MYO1D: variants seen among roughly 807,000 people sequenced by gnomAD.
The protein encoded by MYO1D is unconventional myosin-Id.
MYO1D carries 83 observed loss-of-function variants against 122.0 expected under a neutral mutation model. That is an observed-to-expected ratio of 0.68 (90% CI 0.57 to 0.82). The LOEUF (loss-of-function observed/expected upper bound fraction) is 0.82, where lower values mean the gene tolerates loss of function less well. MYO1D is among the 40% of genes least tolerant of loss of function. The pLI is 0.00. For synonymous variants in MYO1D, 464 were observed against 446.9 expected, an observed-to-expected ratio of 1.04 and a Z score of -0.48; for missense variants, 1,157 against 1,269.5, an observed-to-expected ratio of 0.91 and a Z score of 1.35.
chr17:32,869,340 T>C (rs193294652), intron 1 of MYO1D, among the ~76,000 whole-genome samples: 1 of 152,204 alleles, frequency 6.6e-6, no homozygotes, highest in Non-Finnish European at 1.5e-5. Flanking sequence ...AGGAGAGACA[T>C]ACAATGCATA....
intron 21 of MYO1D, among the ~76,000 whole-genome samples, chr17:32,522,941 C>T (rs1461323841): frequency 1.3e-5 from 2 of 152,036 alleles, no homozygotes; most frequent in Admixed American, 6.5e-5. Context: ...CTCAGCCTCC[C>T]GAGTAGCTGG....
At chr17:32,852,571 C>T (rs1243243733) in intron 1 of MYO1D, among the ~76,000 whole-genome samples, 6 of 152,138 alleles carry the variant, frequency 3.9e-5, no homozygotes, top group Non-Finnish European at 8.8e-5. Flanking sequence ...TAATATGCTA[C>T]TATGCTTGAA....
At chr17:32,872,052 T>C (rs190364950) in intron 1 of MYO1D, among the ~76,000 whole-genome samples, 152 of 151,980 alleles carry the variant, frequency 1.0e-3, no homozygotes, top group Non-Finnish European at 1.4e-3. Context: ...CATACAGAGG[T>C]CTTACGCCTG....
At chr17:32,815,728 AG>A (rs2151053569) in intron 1 of MYO1D, among the ~76,000 whole-genome samples, 1 of 152,334 alleles carries the variant, frequency 6.6e-6, no homozygotes, top group East Asian at 1.9e-4. Flanking sequence ...ACCACAGGTT[AG>A]TCCTGTGGTC....
At chr17:32,500,105 G>A (rs775848092) in intron 21 of MYO1D, among the ~76,000 whole-genome samples, 2 of 152,242 alleles carry the variant, frequency 1.3e-5, no homozygotes, top group Non-Finnish European at 2.9e-5. Context: ...CTGCATGCGT[G>A]GTGCTGCCCT....
At chr17:32,524,770 T>C (rs369798022) in intron 21 of MYO1D, among the ~76,000 whole-genome samples, 20 of 152,142 alleles carry the variant, frequency 1.3e-4, no homozygotes, top group South Asian at 2.1e-4. Context: ...ACCATGTTGG[T>C]TAGGCTGGTC....
intron 16 of MYO1D, among the ~76,000 whole-genome samples, chr17:32,681,289 G>A (rs1448331141): frequency 6.8e-6 from 1 of 146,368 alleles, no homozygotes; most frequent in African/African-American, 2.5e-5. Context: ...CTTGCCTTCT[G>A]CTAGCTTTTG....
At chr17:32,633,171 T>TAAA (rs3040385) in intron 20 of MYO1D, among the ~76,000 whole-genome samples, 16,585 of 145,916 alleles carry the variant, frequency 0.11, 1,223 homozygotes, top group Middle Eastern at 0.24. Context: ...AGACTAAATT[T>TAAA]AAAAAAAAAA....
chr17:32,666,398 T>C (rs887029654), intron 16 of MYO1D, among the ~76,000 whole-genome samples: 1 of 152,242 alleles, frequency 6.6e-6, no homozygotes, highest in Non-Finnish European at 1.5e-5. Flanking sequence ...TTTGTCCTCG[T>C]AGGTTTATCC....
At position 32,536,976 on chromosome 17, in the gene MYO1D, C is replaced by T. The variant is rs1456491697; in HGVS notation, c.2865-42061G>A. The stretch of plus-strand genomic sequence containing the variant: ...TGGAGTTGAAAGGCCACCTTTGACC[C>T]AGAAAATGTGTGGTTGGATGAAAGA... On this transcript the variant is annotated intron_variant, in intron 21 of 21. Coordinates refer to ENST00000318217, the MANE Select transcript of MYO1D (RefSeq NM_015194.3). Among the ~76,000 whole-genome samples, 3 of 152,230 alleles carry T rather than the reference C, an allele frequency of 2.0e-5. No individual in the cohort carries two copies. The East Asian group carries it at 5.8e-4, about 29-fold the overall frequency.
chr17:32,806,865 T>C (rs2090518194), intron 1 of MYO1D, among the ~76,000 whole-genome samples: 1 of 152,210 alleles, frequency 6.6e-6, no homozygotes, highest in Non-Finnish European at 1.5e-5. Context: ...TCCAGCATAT[T>C]CAGGAAAGGA....
At chr17:32,517,176 C>A (rs951575870) in intron 21 of MYO1D, among the ~76,000 whole-genome samples, 1 of 152,188 alleles carries the variant, frequency 6.6e-6, no homozygotes. Flanking sequence ...AAGTCAGACA[C>A]CCTGGGTAAT....
chr17:32,495,719 C>T (rs1597855593), intron 21 of MYO1D: 1 of 152,494 alleles, frequency 6.6e-6, no homozygotes, highest in Admixed American at 6.5e-5. Flanking sequence ...GATAGGCTGG[C>T]ACCCCAATGT....
rs144249424 is a variant in MYO1D at position 32,840,929 on chromosome 17, G to A, written c.95+35849C>T. ...ACATTCAGTAAAGACCATACTTCAA[G>A]TACCCATAAAACCATTCTGTTTTTC... On this transcript the variant is annotated intron_variant, in intron 1 of 21. Transcript: ENST00000318217. 3.6e-3 allele frequency among the ~76,000 whole-genome samples: 553 copies of A among 152,160 alleles called. 3 individuals are homozygous for A. The highest frequency in any genetic ancestry group is 0.012 in the African/African-American group (516 of 41,500).
intron 17 of MYO1D, chr17:32,658,775 T>C (rs2088512193): frequency 3.5e-6 from 1 of 287,788 alleles, no homozygotes; most frequent in Non-Finnish European, 6.7e-6. Context: ...AAAGGATTAA[T>C]GGATTTTCTA....
intron 21 of MYO1D, among the ~76,000 whole-genome samples, chr17:32,598,101 C>T (rs138079454): frequency 3.9e-5 from 6 of 151,948 alleles, no homozygotes; most frequent in Admixed American, 3.3e-4. Context: ...GGGCCAGGCA[C>T]AGTGGCTCAC....
At chr17:32,688,592 T>C (rs2089052903) in intron 16 of MYO1D, among the ~76,000 whole-genome samples, 1 of 152,210 alleles carries the variant, frequency 6.6e-6, no homozygotes, top group Non-Finnish European at 1.5e-5. Context: ...TGTAAAAGTA[T>C]ACATACAGGT....
intron 1 of MYO1D, chr17:32,794,244 C>T (rs1215316705): frequency 1.3e-5 from 2 of 152,112 alleles, no homozygotes; most frequent in Admixed American, 6.5e-5. Flanking sequence ...AAATGACTGA[C>T]GTTGTGACTT....
intron 21 of MYO1D, among the ~76,000 whole-genome samples, chr17:32,546,227 C>CAGT (rs1309778606): frequency 2.6e-5 from 4 of 152,162 alleles, no homozygotes; most frequent in Non-Finnish European, 5.9e-5. Flanking sequence ...GAGGGCTGAA[C>CAGT]AGTAGCTCAT....
Sources: gnomAD v4.1 joint callset for allele counts (sites outside exome capture counted in the v4.1 genomes callset) on GRCh38, gnomAD v4.1.1 for gene constraint, MANE v1.5 for transcripts, NCBI Gene and HGNC (gene_info 2026-07-23, HGNC 2026-07-21) for gene names.